The following MSRB3 variants were observed in gnomAD, a reference collection of about 807,000 sequenced individuals.
MSRB3 encodes methionine-R-sulfoxide reductase B3.
Under a neutral mutation model 21.0 loss-of-function variants are expected in MSRB3, and 13 were observed. The ratio of observed to expected loss-of-function variants is 0.62; its 90% CI spans 0.40 to 0.98. The LOEUF is 0.98. Among genes scored for constraint, MSRB3 ranks in the 50% least tolerant of loss-of-function variants. The pLI, the probability that MSRB3 is intolerant of heterozygous loss-of-function variation, is 0.00. For synonymous variants in MSRB3, 87 were observed against 88.6 expected (o/e 0.98, Z 0.10); for missense variants, 199 against 230.3 (o/e 0.86, Z 0.88).
chr12:65,383,303 C>T lies in MSRB3; in HGVS notation c.292+14277C>T, dbSNP rs151043725. ...ATTTGTAAAATAGTTTAGTGCCTAG[C>T]AGAAATAACTCTTGGTGTAGAAATA... On this transcript the variant is annotated intron_variant, in intron 5 of 6. Transcript: ENST00000308259. 3.5e-3 allele frequency among the ~76,000 whole-genome samples: 529 copies of T among 152,224 alleles called. 4 individuals are homozygous for T. The highest frequency in any genetic ancestry group is 0.012 in the African/African-American group (497 of 41,542).
chr12:65,312,269 TA>T (rs1433989318), intron 2 of MSRB3, among the ~76,000 whole-genome samples: 1 of 152,122 alleles, frequency 6.6e-6, no homozygotes, highest in Non-Finnish European at 1.5e-5. Context: ...AACTCAGTAC[TA>T]ACTAATGCTG....
intron 5 of MSRB3, among the ~76,000 whole-genome samples, chr12:65,431,754 C>T (rs891413504): frequency 4.6e-5 from 7 of 151,966 alleles, no homozygotes; most frequent in African/African-American, 1.7e-4. Context: ...ATACACACTC[C>T]GCTTATGTGC....
rs140897810 is a variant in MSRB3 at position 65,405,842 on chromosome 12, G to A, written c.292+36816G>A. Reference sequence around the variant, plus strand: ...TTTTCCTGATGATTAGTGATGTTGAGCATTTTTTTCATATATTTGTTGGCC... The same window carrying A: ...TTTTCCTGATGATTAGTGATGTTGAACATTTTTTTCATATATTTGTTGGCC... On this transcript the variant is annotated intron_variant, in intron 5 of 6. Coordinates refer to ENST00000308259, the MANE Select transcript of MSRB3 (RefSeq NM_001031679.3). Among the ~76,000 whole-genome samples the A allele has an allele frequency of 5.4e-4, 82 of 152,120 alleles. 1 individual carries two copies. Among genetic ancestry groups the A allele is most frequent in the Middle Eastern group, 3.4e-3 (1 of 294 alleles).
intron 5 of MSRB3, among the ~76,000 whole-genome samples, chr12:65,404,072 T>G (rs140754903): frequency 6.5e-4 from 99 of 152,300 alleles, no homozygotes; most frequent in African/African-American, 2.2e-3. Flanking sequence ...AGCCACCTCT[T>G]TTTCTTTTTT....
intron 2 of MSRB3, among the ~76,000 whole-genome samples, chr12:65,320,163 G>A (rs1874568759): frequency 6.6e-6 from 1 of 151,938 alleles, no homozygotes; most frequent in South Asian, 2.1e-4. Context: ...ACAGCAAGAA[G>A]GCATTAAATG....
intron 5 of MSRB3, among the ~76,000 whole-genome samples, chr12:65,431,167 T>C (rs1269377293): frequency 1.3e-5 from 2 of 152,096 alleles, no homozygotes; most frequent in Non-Finnish European, 2.9e-5. Flanking sequence ...CTGGACTCTT[T>C]GAAGCAGTTA....
rs774703170 is a variant in MSRB3 at position 65,403,201 on chromosome 12, C to T, written c.292+34175C>T. Among the ~76,000 whole-genome samples the T allele has an allele frequency of 3.3e-5, 5 of 152,302 alleles. No homozygotes were observed. The South Asian group carries it at 1.0e-3, about 32-fold the overall frequency. On this transcript the variant is annotated intron_variant, in intron 5 of 6. Coordinates refer to ENST00000308259, the MANE Select transcript of MSRB3 (RefSeq NM_001031679.3). ...CGTTTAAGTCTGCTGAAGCTGTGCC[C>T]ACAGCAGCTCCTTCCCCCAGGTGCT... is the stretch of plus-strand genomic sequence containing the variant.
chr12:65,286,201 T>A (rs1355933864), intron 1 of MSRB3: 1 of 152,226 alleles, frequency 6.6e-6, no homozygotes, highest in Non-Finnish European at 1.5e-5. Context: ...ATGGATACTC[T>A]CAGGAAGTTC....
intron 2 of MSRB3, among the ~76,000 whole-genome samples, chr12:65,320,512 C>G (rs1874594327): frequency 6.6e-6 from 1 of 152,056 alleles, no homozygotes; most frequent in South Asian, 2.1e-4. Context: ...TTTTTGTTCT[C>G]TAGGCTCATC....
At chr12:65,435,584 G>A (rs1181537763) in intron 5 of MSRB3, among the ~76,000 whole-genome samples, 2 of 151,872 alleles carry the variant, frequency 1.3e-5, no homozygotes, top group Non-Finnish European at 2.9e-5. Context: ...TTGTACACCT[G>A]TTTGTTCACA....
intron 5 of MSRB3, among the ~76,000 whole-genome samples, chr12:65,399,561 G>C (rs142592109): frequency 2.6e-5 from 4 of 152,284 alleles, no homozygotes; most frequent in African/African-American, 9.6e-5. Context: ...GAGACAATTT[G>C]ACTTTCTGTC....
chr12:65,373,996 GA>G (rs955978380), intron 5 of MSRB3, among the ~76,000 whole-genome samples: 1 of 152,144 alleles, frequency 6.6e-6, no homozygotes, highest in African/African-American at 2.4e-5. Flanking sequence ...AAGTTGAAGG[GA>G]AATGAGGAAT....
intron 2 of MSRB3, among the ~76,000 whole-genome samples, chr12:65,319,380 T>C (rs566638521): frequency 1.3e-5 from 2 of 152,270 alleles, no homozygotes; most frequent in Admixed American, 1.3e-4. Context: ...TGTAGTTTTC[T>C]GTTTGGATCT....
intron 1 of MSRB3, among the ~76,000 whole-genome samples, chr12:65,302,527 T>C (rs904793231): frequency 2.6e-5 from 4 of 152,156 alleles, no homozygotes; most frequent in South Asian, 2.1e-4. Flanking sequence ...TTGTTTTCCA[T>C]GTAGTAGGAA....
intron 5 of MSRB3, among the ~76,000 whole-genome samples, chr12:65,397,027 T>C (rs1879856785): frequency 6.6e-6 from 1 of 152,204 alleles, no homozygotes; most frequent in South Asian, 2.1e-4. Flanking sequence ...TTTTGCCTCG[T>C]GTATTTTGAT....
intron 1 of MSRB3, among the ~76,000 whole-genome samples, chr12:65,298,195 G>A (rs2136406247): frequency 6.6e-6 from 1 of 152,074 alleles, no homozygotes; most frequent in East Asian, 1.9e-4. Context: ...GTAGAAACAG[G>A]GTTTCACCAT....
At chr12:65,338,139 C>G (rs927811243) in intron 4 of MSRB3, among the ~76,000 whole-genome samples, 1 of 152,124 alleles carries the variant, frequency 6.6e-6, no homozygotes, top group African/African-American at 2.4e-5. Context: ...TAAATAGATA[C>G]TTGGTACTGG....
chr12:65,410,847 T>G (rs1343476983), intron 5 of MSRB3, among the ~76,000 whole-genome samples: 1 of 152,218 alleles, frequency 6.6e-6, no homozygotes, highest in African/African-American at 2.4e-5. Flanking sequence ...TGTTTGTATA[T>G]TTTTAAACAG....
intron 4 of MSRB3, among the ~76,000 whole-genome samples, chr12:65,365,012 T>C (rs1298319297): frequency 1.3e-5 from 2 of 152,168 alleles, no homozygotes; most frequent in African/African-American, 4.8e-5. Context: ...GTATATTTTA[T>C]GTATTGATCA....
Sources: gnomAD v4.1 joint callset for allele counts (sites outside exome capture counted in the v4.1 genomes callset) on GRCh38, gnomAD v4.1.1 for gene constraint, MANE v1.5 for transcripts, NCBI Gene and HGNC (gene_info 2026-07-23, HGNC 2026-07-21) for gene names.